The following FSTL4 variants were observed in gnomAD, a reference collection of about 807,000 sequenced individuals.
FSTL4 encodes follistatin like 4.
FSTL4 carries 28 observed loss-of-function variants against 78.2 expected under a neutral mutation model. The observed-to-expected ratio is 0.36, with a 90% confidence interval of 0.27 to 0.49. The LOEUF (loss-of-function observed/expected upper bound fraction) is 0.49, where lower values mean the gene tolerates loss of function less well. FSTL4 is among the 20% of genes least tolerant of loss of function. FSTL4 has a pLI of 0.98. For missense variants in FSTL4, 922 were observed against 1,084.9 expected (o/e 0.85, Z 2.11); for synonymous variants, 422 against 440.5 (o/e 0.96, Z 0.53).
chr5:133,269,050 C>T (rs556398867), intron 6 of FSTL4, among the ~76,000 whole-genome samples: 11 of 152,030 alleles, frequency 7.2e-5, no homozygotes, highest in Non-Finnish European at 1.5e-4. Flanking sequence ...GGCATGGTGG[C>T]GGGCGCCTGT....
intron 4 of FSTL4, among the ~76,000 whole-genome samples, chr5:133,398,826 G>A (rs1561702409): frequency 6.6e-6 from 1 of 152,150 alleles, no homozygotes; most frequent in Non-Finnish European, 1.5e-5. Flanking sequence ...GAGCTCACAG[G>A]CACCACTCTC....
intron 3 of FSTL4, among the ~76,000 whole-genome samples, chr5:133,522,963 G>C (rs1023900700): frequency 1.3e-5 from 2 of 152,178 alleles, no homozygotes; most frequent in African/African-American, 4.8e-5. Context: ...ATGTGTAAGG[G>C]ACTGAATTGT....
the FSTL4 span, among the ~76,000 whole-genome samples, chr5:133,838,974 T>A: frequency 6.6e-6 from 1 of 152,160 alleles, no homozygotes; most frequent in African/African-American, 2.4e-5. Flanking sequence ...ATGGCTCCAG[T>A]TGTCCTTGAT....
At chr5:133,248,469 T>C (rs1018194263) in intron 7 of FSTL4, 1 of 152,202 alleles carries the variant, frequency 6.6e-6, no homozygotes, top group African/African-American at 2.4e-5. Flanking sequence ...GCTCACTACA[T>C]GGGTGACATC....
the FSTL4 span, among the ~76,000 whole-genome samples, chr5:133,834,963 T>C: frequency 2.0e-5 from 3 of 152,114 alleles, no homozygotes; most frequent in Non-Finnish European, 2.9e-5. Context: ...TTCTGATTAT[T>C]CTACACTGAA....
intron 3 of FSTL4, among the ~76,000 whole-genome samples, chr5:133,532,910 A>G (rs1279463743): frequency 6.6e-6 from 1 of 152,140 alleles, no homozygotes. Context: ...AACCATTCAG[A>G]GGACAAAACA....
intron 4 of FSTL4, among the ~76,000 whole-genome samples, chr5:133,350,781 T>C (rs902190444): frequency 4.6e-5 from 7 of 152,126 alleles, no homozygotes; most frequent in Non-Finnish European, 1.0e-4. Flanking sequence ...AGGATGAAGC[T>C]AGCCAAAATA....
chr5:133,653,530 G>T, the FSTL4 span, among the ~76,000 whole-genome samples: 1 of 152,156 alleles, frequency 6.6e-6, no homozygotes, highest in African/African-American at 2.4e-5. Context: ...AGGATTAACT[G>T]TTCTGCATCT....
the FSTL4 span, among the ~76,000 whole-genome samples, chr5:133,751,393 A>G: frequency 2.8e-4 from 42 of 152,376 alleles, no homozygotes; most frequent in Middle Eastern, 3.4e-3. Flanking sequence ...TGGCCTAGTT[A>G]TCAACTTCCC....
In FSTL4 at chr5:133,338,539, C is replaced by T. The variant is rs1754517632; in HGVS notation, c.410-21887G>A. Among the ~76,000 whole-genome samples, 1 of 152,086 alleles carries T rather than the reference C, an allele frequency of 6.6e-6. No individual in the cohort carries two copies. The highest frequency in any genetic ancestry group is 1.5e-5 in the Non-Finnish European group (1 of 68,002). ...CTGCTCCCCCATGGATACTCGGTTC[C>T]CTCAATCGAGGCTGGTGCAGGGGAA... On this transcript the variant is annotated intron_variant, in intron 4 of 15. Transcript: ENST00000265342. The surrounding 1 kb of genome is among the most constrained non-coding windows in gnomAD (Gnocchi z 4.0).
chr5:133,421,362 G>A (rs1299443072), intron 3 of FSTL4, among the ~76,000 whole-genome samples: 1 of 152,250 alleles, frequency 6.6e-6, no homozygotes, highest in East Asian at 1.9e-4. Flanking sequence ...CCCTAGCTGA[G>A]GCTCTACATT....
the FSTL4 span, among the ~76,000 whole-genome samples, chr5:133,684,157 C>T: frequency 1.3e-5 from 2 of 152,206 alleles, no homozygotes; most frequent in African/African-American, 4.8e-5. Flanking sequence ...TTAAGCTCTG[C>T]GTTCGGAAAG....
rs538297980 is a variant in FSTL4, at chr5:133,381,955, A to C, written c.409+18783T>G. Among the ~76,000 whole-genome samples the C allele has an allele frequency of 7.9e-5, 12 of 152,354 alleles. No individual in the cohort carries two copies. The South Asian group carries it at 2.3e-3, about 29-fold the overall frequency. On this transcript the variant is annotated intron_variant, in intron 4 of 15. Coordinates refer to ENST00000265342, the MANE Select transcript of FSTL4 (RefSeq NM_015082.2). Reference sequence around the variant, plus strand: ...CAAGTTAGCTGTGGCTGTGTGACTTACTTTTCCAAGGAAATGGGGGTTTAA... The same window carrying C: ...CAAGTTAGCTGTGGCTGTGTGACTTCCTTTTCCAAGGAAATGGGGGTTTAA...
At chr5:133,813,908 G>A in the FSTL4 span, among the ~76,000 whole-genome samples, 1 of 152,216 alleles carries the variant, frequency 6.6e-6, no homozygotes, top group Admixed American at 6.5e-5. Context: ...TGCACAGGGT[G>A]AGAGCAACTC....
the FSTL4 span, among the ~76,000 whole-genome samples, chr5:133,667,459 C>T: frequency 1.5e-4 from 23 of 152,332 alleles, no homozygotes; most frequent in African/African-American, 5.5e-4. Context: ...TGTGGCCTCC[C>T]ATCCCAACCA....
the FSTL4 span, among the ~76,000 whole-genome samples, chr5:133,674,623 G>T: frequency 6.6e-6 from 1 of 151,730 alleles, no homozygotes; most frequent in Non-Finnish European, 1.5e-5. Context: ...GTGTGTGTGT[G>T]TGTGTGTTAA....
the FSTL4 span, among the ~76,000 whole-genome samples, chr5:133,795,108 T>C: frequency 0.01 from 1,548 of 152,334 alleles, 27 homozygotes; most frequent in African/African-American, 0.035. Context: ...TGATTGGGGA[T>C]GGGACAGATG....
At chr5:133,347,179 A>G (rs1481227081) in intron 4 of FSTL4, among the ~76,000 whole-genome samples, 1 of 152,124 alleles carries the variant, frequency 6.6e-6, no homozygotes, top group Non-Finnish European at 1.5e-5. Context: ...CAGTGCAGGC[A>G]GTAGACACCG....
the FSTL4 span, among the ~76,000 whole-genome samples, chr5:133,678,936 A>T: frequency 1.3e-5 from 2 of 152,192 alleles, no homozygotes; most frequent in African/African-American, 4.8e-5. Flanking sequence ...CTTCTGCATC[A>T]TCACGTTGTT....
Sources: allele counts gnomAD v4.1 joint callset (sites outside exome capture counted in the v4.1 genomes callset), GRCh38; gene constraint gnomAD v4.1.1; non-coding constraint Gnocchi (gnomAD v3.1); transcripts MANE v1.5; gene names NCBI Gene and HGNC (gene_info 2026-07-23, HGNC 2026-07-21).